Variants in SLC24A2 observed in about 807,000 individuals in gnomAD.
The protein encoded by SLC24A2 is solute carrier family 24 member 2, also known as sodium/potassium/calcium exchanger 2.
Under a neutral mutation model 62.0 loss-of-function variants are expected in SLC24A2, and 36 were observed. The observed-to-expected ratio is 0.58, with a 90% CI of 0.44 to 0.77. SLC24A2 has a LOEUF of 0.77. Ranked by LOEUF, SLC24A2 falls within the 30% of genes least tolerant of loss-of-function variation. The probability of loss-of-function intolerance (pLI) is 0.00; values close to 1 mark genes in which losing one functional copy is unlikely to be tolerated. For synonymous variants in SLC24A2, 358 were observed against 294.0 expected, an observed-to-expected ratio of 1.22 and a Z score of -2.23; for missense variants, 846 against 817.9, an observed-to-expected ratio of 1.03 and a Z score of -0.42.
At chr9:19,771,637 G>A (rs1297528591) in intron 2 of SLC24A2, among the ~76,000 whole-genome samples, 1 of 152,152 alleles carries the variant, frequency 6.6e-6, no homozygotes, top group East Asian at 1.9e-4. Flanking sequence ...AGAAACGAGA[G>A]CGAGGATGTT....
chr9:20,301,454 A>G, the SLC24A2 span, among the ~76,000 whole-genome samples: 14 of 152,142 alleles, frequency 9.2e-5, no homozygotes, highest in Admixed American at 3.9e-4. Context: ...TTCTATGTGT[A>G]TACTTTCACA....
intron 2 of SLC24A2, among the ~76,000 whole-genome samples, chr9:19,774,971 G>C (rs749310289): frequency 1.3e-5 from 2 of 152,192 alleles, no homozygotes; most frequent in African/African-American, 2.4e-5. Flanking sequence ...GTATCTTGGA[G>C]ATAAACTAGT....
chr9:19,735,728 A>G (rs973526943), intron 2 of SLC24A2, among the ~76,000 whole-genome samples: 4 of 152,144 alleles, frequency 2.6e-5, no homozygotes, highest in African/African-American at 9.7e-5. Context: ...TGAAGCTGGA[A>G]ACCATCATTC....
chr9:20,028,073 A>G, the SLC24A2 span, among the ~76,000 whole-genome samples: 1 of 152,170 alleles, frequency 6.6e-6, no homozygotes, highest in Non-Finnish European at 1.5e-5. Context: ...CCTGGAATAC[A>G]TTTTGGACTC....
At chr9:19,654,577 T>G (rs1046361096) in intron 2 of SLC24A2, among the ~76,000 whole-genome samples, 13 of 152,212 alleles carry the variant, frequency 8.5e-5, no homozygotes, top group African/African-American at 2.9e-4. Context: ...GAATGGGGCA[T>G]GGCAAATGAT....
chr9:20,182,639 G>A, the SLC24A2 span, among the ~76,000 whole-genome samples: 54 of 152,230 alleles, frequency 3.5e-4, no homozygotes, highest in Admixed American at 5.2e-4. Context: ...CTGTCGGGGC[G>A]GGGGTGCTGG....
chr9:20,138,758 G>A, the SLC24A2 span, among the ~76,000 whole-genome samples: 1 of 151,992 alleles, frequency 6.6e-6, no homozygotes, highest in Non-Finnish European at 1.5e-5. Context: ...ATTCTATTTC[G>A]CTAGAAGGTT....
At chr9:19,769,415 A>G (rs1418482287) in intron 2 of SLC24A2, among the ~76,000 whole-genome samples, 1 of 152,200 alleles carries the variant, frequency 6.6e-6, no homozygotes, top group Non-Finnish European at 1.5e-5. Flanking sequence ...ACTTGACCCT[A>G]CAGCCTGTCT....
At chr9:20,263,672 T>C in the SLC24A2 span, among the ~76,000 whole-genome samples, 1 of 152,200 alleles carries the variant, frequency 6.6e-6, no homozygotes. Context: ...CATGTTTACA[T>C]GAATGATGCT....
At chr9:20,152,552 G>T in the SLC24A2 span, among the ~76,000 whole-genome samples, 2 of 151,878 alleles carry the variant, frequency 1.3e-5, no homozygotes, top group African/African-American at 4.8e-5. Flanking sequence ...CCATCTTAAT[G>T]GAGTGCTAAC....
chr9:20,025,384 CAAAACAAGAAT>C, the SLC24A2 span, among the ~76,000 whole-genome samples: 1 of 151,882 alleles, frequency 6.6e-6, no homozygotes, highest in African/African-American at 2.4e-5. Context: ...ATTCAGTATA[CAAAACAAGAAT>C]ATTGACTGGC....
intron 6 of SLC24A2, among the ~76,000 whole-genome samples, chr9:19,573,765 C>T (rs750935908): frequency 3.9e-5 from 6 of 152,096 alleles, no homozygotes; most frequent in Non-Finnish European, 8.8e-5. Flanking sequence ...TCTGGCATGA[C>T]ACTTTACCTT....
At chr9:19,609,852 T>C (rs2132932271) in intron 4 of SLC24A2, among the ~76,000 whole-genome samples, 1 of 152,256 alleles carries the variant, frequency 6.6e-6, no homozygotes, top group Middle Eastern at 3.4e-3. Flanking sequence ...CATTAGATTC[T>C]CATAAGGAGC....
chr9:19,745,724 T>C (rs1821813800), intron 2 of SLC24A2, among the ~76,000 whole-genome samples: 2 of 152,138 alleles, frequency 1.3e-5, no homozygotes, highest in Admixed American at 1.3e-4. Flanking sequence ...TATAACACTT[T>C]TTATTAAATG....
At chr9:19,936,516 C>T in the SLC24A2 span, among the ~76,000 whole-genome samples, 1 of 152,146 alleles carries the variant, frequency 6.6e-6, no homozygotes, top group Admixed American at 6.5e-5. Context: ...TCAAGCGATC[C>T]ACCTGCCTCA....
At chr9:20,225,166 C>T in the SLC24A2 span, among the ~76,000 whole-genome samples, 1 of 152,042 alleles carries the variant, frequency 6.6e-6, no homozygotes, top group African/African-American at 2.4e-5. Context: ...AAGAAGGGTA[C>T]ATATTTTTAA....
chr9:20,124,586 C>A, the SLC24A2 span, among the ~76,000 whole-genome samples: 1 of 152,130 alleles, frequency 6.6e-6, no homozygotes, highest in Non-Finnish European at 1.5e-5. Flanking sequence ...TCCTTTGTTA[C>A]GTACCTAGTG....
At chr9:20,206,712 C>G in the SLC24A2 span, among the ~76,000 whole-genome samples, 1 of 152,106 alleles carries the variant, frequency 6.6e-6, no homozygotes, top group African/African-American at 2.4e-5. Context: ...GAACTCCTGC[C>G]TCATGATCTG....
At chr9:19,611,229 A>G (rs1454084603) in intron 4 of SLC24A2, among the ~76,000 whole-genome samples, 1 of 151,780 alleles carries the variant, frequency 6.6e-6, no homozygotes, top group Non-Finnish European at 1.5e-5. Context: ...ATTTGGAAGG[A>G]GCTGCTAGGC....
Sources: allele counts gnomAD v4.1 joint callset (sites outside exome capture counted in the v4.1 genomes callset), GRCh38; gene constraint gnomAD v4.1.1; transcripts MANE v1.5; gene names NCBI Gene and HGNC (gene_info 2026-07-23, HGNC 2026-07-21).